The following PARD3 variants were observed in gnomAD, a reference collection of about 807,000 sequenced individuals.
PARD3 encodes partitioning defective 3 homolog.
Under a neutral mutation model 155.4 loss-of-function variants are expected in PARD3, and 75 were observed. The observed-to-expected ratio is 0.48, with a 90% CI of 0.40 to 0.58. The LOEUF is 0.58. Ranked by LOEUF, PARD3 falls within the 20% of genes least tolerant of loss-of-function variation. PARD3 has a pLI of 0.00. For missense variants in PARD3, 1,642 were observed against 1,721.7 expected (o/e 0.95, Z 0.82); for synonymous variants, 576 against 610.5 (o/e 0.94, Z 0.83).
At chr10:34,131,680 C>T in intron 22 of PARD3, 97 bp from the exon 23 acceptor site, 2 of 1,010,248 alleles carry the variant, frequency 2.0e-6, no homozygotes, top group South Asian at 1.4e-5. Context: ...TGAAATGACG[C>T]CATTTAAGAG....
At chr10:34,814,610 G>T (rs1844663787) in intron 1 of PARD3, among the ~76,000 whole-genome samples, 1 of 151,836 alleles carries the variant, frequency 6.6e-6, no homozygotes. Context: ...GGCTCGCCCC[G>T]CGCTACCGAG....
At chr10:34,589,636 CAAA>C (rs35357373) in intron 2 of PARD3, among the ~76,000 whole-genome samples, 174 of 84,266 alleles carry the variant, frequency 2.1e-3, no homozygotes, top group South Asian at 7.5e-3. Flanking sequence ...AGTACATGTC[CAAA>C]AAAAAAAAAA....
intron 5 of PARD3, among the ~76,000 whole-genome samples, chr10:34,421,547 T>A (rs1259765074): frequency 6.6e-6 from 1 of 151,996 alleles, no homozygotes; most frequent in African/African-American, 2.4e-5. Context: ...TTGGGTCCGG[T>A]CTGTTAAAGT....
chr10:34,157,514 C>A (rs1423663718), intron 22 of PARD3, among the ~76,000 whole-genome samples: 2 of 152,152 alleles, frequency 1.3e-5, no homozygotes, highest in Non-Finnish European at 2.9e-5. Context: ...TCTTCTTTTA[C>A]AAGTATTTAT....
At chr10:34,425,758 C>T (rs7079002) in intron 5 of PARD3, among the ~76,000 whole-genome samples, 83,149 of 152,038 alleles carry the variant, frequency 0.55, 23,518 homozygotes, top group Non-Finnish European at 0.63. Flanking sequence ...TGACTTTTTG[C>T]CAAGGATTTT....
At chr10:34,777,807 C>T (rs963257749) in intron 1 of PARD3, among the ~76,000 whole-genome samples, 1 of 152,028 alleles carries the variant, frequency 6.6e-6, no homozygotes, top group African/African-American at 2.4e-5. Context: ...GTTGGGATTA[C>T]AGGTGTGAGC....
intron 2 of PARD3, among the ~76,000 whole-genome samples, chr10:34,654,170 T>TAAA (rs74707143): frequency 2.5e-5 from 3 of 122,350 alleles, no homozygotes; most frequent in Non-Finnish European, 3.6e-5. Flanking sequence ...AGTAAAACTG[T>TAAA]AAAAAAAAAA....
intron 1 of PARD3, among the ~76,000 whole-genome samples, chr10:34,808,839 C>A (rs895321366): frequency 2.7e-5 from 4 of 150,446 alleles, no homozygotes; most frequent in Non-Finnish European, 5.9e-5. Flanking sequence ...CGCTTCACAT[C>A]CGCCAGATTC....
At chr10:34,500,104 A>G (rs900027195) in intron 3 of PARD3, among the ~76,000 whole-genome samples, 4 of 152,230 alleles carry the variant, frequency 2.6e-5, no homozygotes, top group African/African-American at 9.6e-5. Flanking sequence ...GGCTGACTAC[A>G]TACTTGCTGA....
At chr10:34,529,859 T>C (rs1263845579) in intron 2 of PARD3, among the ~76,000 whole-genome samples, 2 of 151,962 alleles carry the variant, frequency 1.3e-5, no homozygotes, top group Admixed American at 6.6e-5. Context: ...CTCAGCCTCC[T>C]GTGAAGCTGG....
chr10:34,530,312 A>G (rs2082758107), intron 2 of PARD3, among the ~76,000 whole-genome samples: 2 of 152,170 alleles, frequency 1.3e-5, no homozygotes. Context: ...TAATTACAGT[A>G]CACATATCAC....
intron 14 of PARD3, among the ~76,000 whole-genome samples, chr10:34,350,423 T>C (rs955843458): frequency 2.6e-5 from 4 of 152,108 alleles, no homozygotes; most frequent in African/African-American, 9.7e-5. Flanking sequence ...GGCGGGTGGA[T>C]CATGAGGTCA....
chr10:34,359,364 T>C (rs760933100), intron 13 of PARD3, 47 bp from the exon 14 acceptor site: 11 of 1,307,648 alleles, frequency 8.4e-6, no homozygotes, highest in Non-Finnish European at 1.1e-5. Flanking sequence ...CAGACTGCTA[T>C]AAAAGAAGTA....
chr10:34,740,430 C>A (rs2094988393), intron 1 of PARD3, among the ~76,000 whole-genome samples: 1 of 152,238 alleles, frequency 6.6e-6, no homozygotes, highest in African/African-American at 2.4e-5. Flanking sequence ...ACCCAAGAAT[C>A]TTTTGAATCC....
intron 22 of PARD3, among the ~76,000 whole-genome samples, chr10:34,160,629 G>A (rs1949227606): frequency 6.6e-6 from 1 of 152,184 alleles, no homozygotes; most frequent in Non-Finnish European, 1.5e-5. Context: ...CCTTTAAAAG[G>A]TATAATTTTC....
chr10:34,180,831 G>A (rs2133194010), intron 22 of PARD3, among the ~76,000 whole-genome samples: 1 of 152,172 alleles, frequency 6.6e-6, no homozygotes, highest in South Asian at 2.1e-4. Flanking sequence ...TAAAGAGAGG[G>A]GAGTTGAGTT....
intron 1 of PARD3, among the ~76,000 whole-genome samples, chr10:34,787,774 CTTTT>C (rs879835386): frequency 1.4e-5 from 2 of 140,142 alleles, no homozygotes; most frequent in Non-Finnish European, 1.6e-5. Context: ...AACCAACATC[CTTTT>C]TTTTTTTTTT....
chr10:34,355,666 C>T (rs1157357884), intron 14 of PARD3, among the ~76,000 whole-genome samples: 1 of 152,018 alleles, frequency 6.6e-6, no homozygotes, highest in East Asian at 1.9e-4. Flanking sequence ...CAGTGGCTCA[C>T]GCCTGTAATT....
chr10:34,343,221 A>G (rs1837024456), intron 15 of PARD3: 1 of 621,096 alleles, frequency 1.6e-6, no homozygotes. Flanking sequence ...GCATGTCACA[A>G]TATTAAATAC....
Sources: gnomAD v4.1 joint callset for allele counts (sites outside exome capture counted in the v4.1 genomes callset) on GRCh38, gnomAD v4.1.1 for gene constraint, MANE v1.5 for transcripts, NCBI Gene and HGNC (gene_info 2026-07-23, HGNC 2026-07-21) for gene names.